MGST3: variants seen among roughly 807,000 people sequenced by gnomAD.
MGST3 encodes the protein glutathione S-transferase 3, mitochondrial.
Under a neutral mutation model 15.8 loss-of-function variants are expected in MGST3, and 13 were observed. The observed-to-expected ratio is 0.82, with a 90% confidence interval of 0.54 to 1.31. MGST3 has a LOEUF of 1.31. MGST3 is among the 50% of genes most tolerant of loss of function. The pLI is 0.00. For missense variants in MGST3, 155 were observed against 192.4 expected (o/e 0.81, Z 1.15); for synonymous variants, 49 against 68.1 (o/e 0.72, Z 1.38).
chr1:165,654,260 T>C lies in MGST3; in HGVS notation c.250-19T>C, dbSNP rs762670978. On this transcript the variant is annotated intron_variant, in intron 4 of 5. Transcript: ENST00000367889. ...CTTGTTTCTTTCATGCAAATACTAA[T>C]GTAGCCCTTTTTTCTTAGCGTATAG... is the stretch of plus-strand genomic sequence containing the variant. The C allele has an allele frequency of 5.6e-6, 9 of 1,612,952 alleles. No homozygotes were observed. The highest frequency in any genetic ancestry group is 4.5e-5 in the East Asian group (2 of 44,882).
chr1:165,646,705 T>A (rs1338684483), intron 1 of MGST3: 1 of 152,262 alleles, frequency 6.6e-6, no homozygotes, highest in Non-Finnish European at 1.5e-5. Context: ...GAAAGACACC[T>A]GCAGTTGCAG....
At chr1:165,643,168 C>G (rs777140584) in intron 1 of MGST3, among the ~76,000 whole-genome samples, 7 of 152,154 alleles carry the variant, frequency 4.6e-5, no homozygotes, top group Non-Finnish European at 8.8e-5. Context: ...CCCACTCAAC[C>G]TGCTGTATAT....
At chr1:165,642,259 CAGTA>C (rs1028161029) in intron 1 of MGST3, among the ~76,000 whole-genome samples, 20 of 152,204 alleles carry the variant, frequency 1.3e-4, no homozygotes, top group African/African-American at 4.6e-4. Flanking sequence ...AGTGGGCACT[CAGTA>C]AGCCTGAATA....
intron 1 of MGST3, among the ~76,000 whole-genome samples, chr1:165,644,520 G>A (rs1648342984): frequency 6.6e-6 from 1 of 152,220 alleles, no homozygotes; most frequent in African/African-American, 2.4e-5. Flanking sequence ...GAGTCAGTGA[G>A]TGAGTGGTGA....
intron 1 of MGST3, among the ~76,000 whole-genome samples, chr1:165,638,334 G>T (rs543656707): frequency 1.3e-5 from 2 of 151,082 alleles, no homozygotes; most frequent in African/African-American, 4.9e-5. Context: ...CAAAAAATTA[G>T]CTGGGCATGG....
intron 1 of MGST3, among the ~76,000 whole-genome samples, chr1:165,635,514 C>A (rs574533385): frequency 6.6e-6 from 1 of 152,254 alleles, no homozygotes; most frequent in South Asian, 2.1e-4. Flanking sequence ...AACCAAGAAC[C>A]ATTCACTGGA....
intron 4 of MGST3, 95 bp downstream of exon 4, chr1:165,652,130 T>G: frequency 3.3e-6 from 3 of 904,276 alleles, no homozygotes; most frequent in Non-Finnish European, 5.6e-6. Flanking sequence ...ATGAATATCT[T>G]CAGTGTCTAG....
chr1:165,646,420 T>C (rs1251227731), intron 1 of MGST3: 1 of 152,264 alleles, frequency 6.6e-6, no homozygotes, highest in Non-Finnish European at 1.5e-5. Flanking sequence ...TTTAATGATT[T>C]TTCACTCCCT....
chr1:165,651,245 A>AT (rs1225707433), intron 3 of MGST3, 158 bp downstream of exon 3: 26 of 690,040 alleles, frequency 3.8e-5, no homozygotes, highest in Non-Finnish European at 6.6e-5. Flanking sequence ...ATGTGAACAC[A>AT]TTGACTATTA....
At chr1:165,635,041 G>A (rs1166085292) in intron 1 of MGST3, among the ~76,000 whole-genome samples, 2 of 151,806 alleles carry the variant, frequency 1.3e-5, no homozygotes, top group Non-Finnish European at 2.9e-5. Flanking sequence ...ATTATGAGAT[G>A]TTGTCTTTAT....
In MGST3 at chr1:165,640,972, C is replaced by T. The variant is rs181927687; in HGVS notation, c.-7-8869C>T. ...CTGAGGCAGGTGGATCACCTGAGGT[C>T]AGGAGTTCGAGACCAGCCTGGCCTA... is the stretch of plus-strand genomic sequence containing the variant. On this transcript the variant is annotated intron_variant, in intron 1 of 5. Coordinates refer to ENST00000367889, the MANE Select transcript of MGST3 (RefSeq NM_004528.4). 4.9e-4 allele frequency among the ~76,000 whole-genome samples: 75 copies of T among 152,262 alleles called. 1 individual carries two copies. The highest frequency in any genetic ancestry group is 8.3e-4 in the South Asian group (4 of 4,818).
intron 2 of MGST3, 42 bp downstream of exon 2, chr1:165,650,006 G>C (rs773253850): frequency 6.2e-7 from 1 of 1,612,510 alleles, no homozygotes; most frequent in Non-Finnish European, 8.5e-7. Context: ...GGCTTGTCTG[G>C]GGGCCACAGG....
At chr1:165,653,496 A>G (rs1423092639) in intron 4 of MGST3, among the ~76,000 whole-genome samples, 1 of 152,090 alleles carries the variant, frequency 6.6e-6, no homozygotes, top group African/African-American at 2.4e-5. Flanking sequence ...CCCAAAATCA[A>G]CTCAAACAAA....
At position 165,650,940 on chromosome 1, in the gene MGST3, T is replaced by G. The variant is rs1648534580; in HGVS notation, c.118-74T>G. 3 of 1,299,036 alleles carry G rather than the reference T, an allele frequency of 2.3e-6. No individual in the cohort carries two copies. In the East Asian group the frequency reaches 6.9e-5, roughly 30 times the overall value. 80.5% of individuals were successfully genotyped at this position (1,299,036 alleles called of 1,614,324 possible). The stretch of plus-strand genomic sequence containing the variant: ...GAAGATACTTTGGAATATATTGTTT[T>G]TAAGGTTCATTTTAACTTTCAACAC... On this transcript the variant is annotated intron_variant, in intron 2 of 5. Transcript: ENST00000367889.
chr1:165,642,333 GT>G (rs1198969918), intron 1 of MGST3, among the ~76,000 whole-genome samples: 4 of 152,206 alleles, frequency 2.6e-5, no homozygotes, highest in Non-Finnish European at 4.4e-5. Context: ...TGCAGCAAGA[GT>G]TTGAATGACT....
At chr1:165,650,839 G>A in intron 2 of MGST3, 175 bp from the exon 3 acceptor site, 1 of 648,634 alleles carries the variant, frequency 1.5e-6, no homozygotes, top group Non-Finnish European at 2.8e-6. Context: ...CATTGACTCT[G>A]CTTCTGAGAA....
chr1:165,647,012 G>T (rs1442813941), intron 1 of MGST3: 4 of 152,290 alleles, frequency 2.6e-5, no homozygotes, highest in Non-Finnish European at 5.9e-5. Context: ...CTGTCCCTAT[G>T]ACTGAGTATG....
At chr1:165,641,086 G>A (rs1648251768) in intron 1 of MGST3, among the ~76,000 whole-genome samples, 1 of 152,096 alleles carries the variant, frequency 6.6e-6, no homozygotes, top group African/African-American at 2.4e-5. Flanking sequence ...GGGAGGCTGA[G>A]GAAGGAGAAT....
chr1:165,641,137 C>T (rs929364403), intron 1 of MGST3, among the ~76,000 whole-genome samples: 2 of 152,264 alleles, frequency 1.3e-5, no homozygotes, highest in East Asian at 1.9e-4. Flanking sequence ...GAGCCTAGAT[C>T]GTGCCACTTC....
Sources: gnomAD v4.1 joint callset for allele counts (sites outside exome capture counted in the v4.1 genomes callset) on GRCh38, gnomAD v4.1.1 for gene constraint, MANE v1.5 for transcripts, NCBI Gene and HGNC (gene_info 2026-07-23, HGNC 2026-07-21) for gene names.